The following WBP2NL variants were observed in gnomAD, a reference collection of about 807,000 sequenced individuals.
The protein encoded by WBP2NL is WBP2 N-terminal like.
WBP2NL carries 27 observed loss-of-function variants against 23.3 expected under a neutral mutation model. The ratio of observed to expected loss-of-function variants is 1.16; its 90% CI spans 0.85 to 1.60. WBP2NL has a LOEUF of 1.60. Among genes scored for constraint, WBP2NL ranks in the 40% most tolerant of loss-of-function variants. WBP2NL has a pLI of 0.00. For synonymous variants in WBP2NL, 151 were observed against 145.9 expected (o/e 1.03, Z -0.25); for missense variants, 370 against 389.5 (o/e 0.95, Z 0.42).
intron 1 of WBP2NL, among the ~76,000 whole-genome samples, chr22:42,013,386 CAA>C (rs879371078): frequency 2.0e-4 from 17 of 84,376 alleles, no homozygotes; most frequent in Non-Finnish European, 2.3e-4. Context: ...AACTCCATCT[CAA>C]AAAAAAAAAA....
At chr22:42,033,401 C>T (rs1373855207), downstream of WBP2NL, among the ~76,000 whole-genome samples, 1 of 152,212 alleles carries the variant, frequency 6.6e-6, no homozygotes, top group African/African-American at 2.4e-5. Context: ...TTCTTTTCTT[C>T]TCTTTGCCCA....
Position 41,998,855 on chromosome 22 carries a change from G to T in WBP2NL, c.37G>T (p.Gly13Ter), listed in dbSNP as rs770372376. Residue 13 changes from glycine (G) to a stop codon, truncating the protein, a stop_gained, in exon 1 of 6, where the codon GGA (glycine) becomes TGA (stop). Transcript: ENST00000328823. LOFTEE classifies it high-confidence loss of function. The part of the protein sequence containing the change: ...VNQSHTENRR[G>*]ALIPNGESLL... ...TCAGAGCCACACCGAGAACCGCCGC[G>T]GAGCCCTCATCCCTAACGGTGAAAG... The T allele has an allele frequency of 8.1e-6, 13 of 1,612,220 alleles. No individual in the cohort carries two copies. The Admixed American group carries it at 2.2e-4, about 27-fold the overall frequency.
chr22:42,020,048 GGA>G lies in WBP2NL; in HGVS notation c.361_362del (p.Asp121CysfsTer3), dbSNP rs555767506. On this transcript the variant is annotated frameshift_variant, in exon 4 of 6. Coordinates refer to ENST00000328823, the MANE Select transcript of WBP2NL (RefSeq NM_152613.3). LOFTEE classifies it high-confidence loss of function. ...TACTTTTAAATTAGTCTTCAGAAAT[GGA>G]GATGCCATTGAATTTGCCCAGTTGA... ...QATFKLVFRN[G>X]DAIEFAQLMV... 188 of 1,614,112 alleles carry G rather than the reference GGA, an allele frequency of 1.2e-4. No individual in the cohort carries two copies. The highest frequency in any genetic ancestry group is 1.5e-4 in the Non-Finnish European group (172 of 1,180,008).
intron 1 of WBP2NL, among the ~76,000 whole-genome samples, chr22:42,013,929 C>T (rs978183086): frequency 2.0e-5 from 3 of 151,868 alleles, no homozygotes; most frequent in Admixed American, 6.6e-5. Flanking sequence ...TATAGGCATG[C>T]ACCACCCACG....
chr22:42,034,086 C>T, downstream of WBP2NL, among the ~76,000 whole-genome samples: 1 of 152,210 alleles, frequency 6.6e-6, no homozygotes, highest in Non-Finnish European at 1.5e-5. Flanking sequence ...CTTCTATGCT[C>T]ATTGTGCCCA....
intron 5 of WBP2NL, among the ~76,000 whole-genome samples, chr22:42,023,648 C>T (rs916990765): frequency 2.0e-5 from 3 of 151,784 alleles, no homozygotes; most frequent in African/African-American, 4.8e-5. Context: ...CCCGCCACCA[C>T]GCCCGGCTAA....
chr22:42,014,350 T>C (rs758604582), intron 1 of WBP2NL, among the ~76,000 whole-genome samples: 2 of 152,160 alleles, frequency 1.3e-5, no homozygotes, highest in Admixed American at 6.5e-5. Context: ...CTCAGTGTCT[T>C]GGATAGGTGG....
chr22:42,030,976 G>A (rs900751481), downstream of WBP2NL: 3 of 152,202 alleles, frequency 2.0e-5, no homozygotes, highest in Admixed American at 2.0e-4. Flanking sequence ...ACTTGTACCA[G>A]GTAGATTTGA....
intron 1 of WBP2NL, among the ~76,000 whole-genome samples, chr22:42,017,015 C>G (rs1253534446): frequency 6.6e-6 from 1 of 152,156 alleles, no homozygotes; most frequent in Non-Finnish European, 1.5e-5. Flanking sequence ...TAGGCTTCTC[C>G]CAAGTATGCA....
At chr22:42,055,044 T>C (rs1444657543) in intron 8 of WBP2NL, among the ~76,000 whole-genome samples, 1 of 152,200 alleles carries the variant, frequency 6.6e-6, no homozygotes, top group Non-Finnish European at 1.5e-5. Context: ...TTTCTTTCTT[T>C]TCTTTTTTTT....
At chr22:42,057,774 A>G (rs1480289211) in intron 8 of WBP2NL, among the ~76,000 whole-genome samples, 1 of 143,584 alleles carries the variant, frequency 7.0e-6, no homozygotes, top group East Asian at 2.1e-4. Flanking sequence ...TAGATTGGTT[A>G]TTAGATTATT....
intron 8 of WBP2NL, among the ~76,000 whole-genome samples, chr22:42,053,916 A>ACTT (rs1925933253): frequency 6.6e-6 from 1 of 152,118 alleles, no homozygotes; most frequent in South Asian, 2.1e-4. Flanking sequence ...ATGATTTACA[A>ACTT]ATGCTGCATC....
intron 4 of WBP2NL, among the ~76,000 whole-genome samples, chr22:42,021,229 G>T (rs868184695): frequency 1.3e-5 from 2 of 151,930 alleles, no homozygotes; most frequent in African/African-American, 4.8e-5. Flanking sequence ...CGGTCCTTGC[G>T]ATCTTTAACC....
chr22:42,009,612 G>GA (rs1922621933), intron 1 of WBP2NL, among the ~76,000 whole-genome samples: 1 of 152,152 alleles, frequency 6.6e-6, no homozygotes, highest in Admixed American at 6.6e-5. Flanking sequence ...CTTTGTTGAA[G>GA]ATTATTTGAT....
At chr22:42,017,351 C>T (rs2146781915) in intron 1 of WBP2NL, among the ~76,000 whole-genome samples, 1 of 152,258 alleles carries the variant, frequency 6.6e-6, no homozygotes, top group South Asian at 2.1e-4. Context: ...CCCAAATGAT[C>T]CGCCAGCCTC....
At chr22:42,012,834 T>C (rs944530349) in intron 1 of WBP2NL, among the ~76,000 whole-genome samples, 1 of 151,540 alleles carries the variant, frequency 6.6e-6, no homozygotes, top group African/African-American at 2.4e-5. Flanking sequence ...CTACTAAAAA[T>C]GCAAAAAATT....
In WBP2NL at chr22:42,027,149, C is replaced by T. The variant is rs1286176721; in HGVS notation, c.898C>T (p.Pro300Ser). The T allele has an allele frequency of 6.2e-7, 1 of 1,613,608 alleles. No individual in the cohort carries two copies. Among genetic ancestry groups the T allele is most frequent in the African/African-American group, 1.3e-5 (1 of 74,872 alleles). ...AQAPENEASL[P>S]SASSSQVHS The stretch of plus-strand genomic sequence containing the variant: ...GGCTCCTGAAAACGAGGCTTCTCTT[C>T]CCTCTGCCTCCTCTTCTCAGGTCCA... The change falls in exon 6 of 6, where the codon CCC (proline) becomes TCC (serine). Residue 300 changes from proline to serine, a missense_variant. By Grantham distance (74) the Pro-to-Ser change is moderately conservative. Coordinates refer to ENST00000328823, the MANE Select transcript of WBP2NL (RefSeq NM_152613.3).
intron 8 of WBP2NL, among the ~76,000 whole-genome samples, chr22:42,054,193 A>G (rs1925946183): frequency 6.6e-6 from 1 of 151,918 alleles, no homozygotes; most frequent in South Asian, 2.1e-4. Context: ...TTTAAAAAAA[A>G]AATTTTTTTT....
chr22:42,018,349 A>G (rs1040568970), intron 1 of WBP2NL, among the ~76,000 whole-genome samples: 1 of 146,926 alleles, frequency 6.8e-6, no homozygotes, highest in Non-Finnish European at 1.5e-5. Flanking sequence ...AAAGAGAGAG[A>G]GAGAAAAGAA....
Sources: allele counts gnomAD v4.1 joint callset (sites outside exome capture counted in the v4.1 genomes callset), GRCh38; gene constraint gnomAD v4.1.1; transcripts MANE v1.5; gene names NCBI Gene and HGNC (gene_info 2026-07-23, HGNC 2026-07-21).